Variants in NAV3 observed in about 807,000 individuals in gnomAD.
The protein encoded by NAV3 is neuron navigator 3, also known as pore membrane and/or filament interacting like protein 1.
A neutral mutation model predicts 244.7 loss-of-function variants in NAV3; 87 were observed. That is an observed-to-expected ratio of 0.36 (90% CI 0.30 to 0.42). The LOEUF is 0.42. Among genes scored for constraint, NAV3 ranks in the 20% least tolerant of loss-of-function variants. NAV3 has a pLI of 1.00. For missense variants in NAV3, 2,663 were observed against 2,893.3 expected (o/e 0.92, Z 1.83); for synonymous variants, 1,126 against 1,042.2 (o/e 1.08, Z -1.55).
intron 2 of NAV3, among the ~76,000 whole-genome samples, chr12:77,620,537 A>G (rs1871328794): frequency 6.6e-6 from 1 of 151,564 alleles, no homozygotes; most frequent in African/African-American, 2.4e-5. Context: ...ATCTCGGCTC[A>G]CTGCAATCTC....
chr12:77,635,287 T>G (rs1370370896), intron 2 of NAV3, among the ~76,000 whole-genome samples: 1 of 151,974 alleles, frequency 6.6e-6, no homozygotes, highest in African/African-American at 2.4e-5. Flanking sequence ...CTCATACTCC[T>G]GTGCTCAAGC....
intron 29 of NAV3, 47 bp downstream of exon 29, chr12:78,179,729 A>G (rs769605848): frequency 1.9e-6 from 3 of 1,568,832 alleles, no homozygotes; most frequent in Admixed American, 1.9e-5. Context: ...AAACAAAAAA[A>G]TGCTGCTTAT....
intron 1 of NAV3, among the ~76,000 whole-genome samples, chr12:77,934,507 A>G (rs1177732923): frequency 6.6e-6 from 1 of 152,128 alleles, no homozygotes; most frequent in East Asian, 1.9e-4. Context: ...CCAGAGAGGT[A>G]ACCTCTTAAA....
intron 11 of NAV3, among the ~76,000 whole-genome samples, chr12:78,058,698 A>C (rs971255780): frequency 2.6e-5 from 4 of 152,160 alleles, no homozygotes; most frequent in African/African-American, 9.7e-5. Flanking sequence ...CTGCAAGCCT[A>C]TTCATAATAT....
intron 1 of NAV3, among the ~76,000 whole-genome samples, chr12:77,917,541 G>A (rs1351970845): frequency 1.3e-5 from 2 of 151,996 alleles, no homozygotes; most frequent in Non-Finnish European, 2.9e-5. Flanking sequence ...TGTTTTGCAT[G>A]TGTAACGGTC....
chr12:77,958,656 A>C (rs1891592345), intron 3 of NAV3, among the ~76,000 whole-genome samples: 1 of 152,190 alleles, frequency 6.6e-6, no homozygotes, highest in African/African-American at 2.4e-5. Flanking sequence ...ACTTCTGAAA[A>C]TAATGACTAG....
intron 2 of NAV3, among the ~76,000 whole-genome samples, chr12:77,638,911 G>A (rs79927581): frequency 0.025 from 3,774 of 152,242 alleles, 62 homozygotes; most frequent in Middle Eastern, 0.082. Context: ...TCTGTAGGAA[G>A]GATGCAGTAT....
At chr12:77,647,461 T>G (rs529189179) in intron 2 of NAV3, among the ~76,000 whole-genome samples, 1 of 152,148 alleles carries the variant, frequency 6.6e-6, no homozygotes, top group East Asian at 1.9e-4. Flanking sequence ...GCTTTTTTTT[T>G]GTTTTGTTTT....
chr12:77,922,554 C>T (rs921176724), intron 1 of NAV3, among the ~76,000 whole-genome samples: 1 of 152,144 alleles, frequency 6.6e-6, no homozygotes, highest in Non-Finnish European at 1.5e-5. Flanking sequence ...GAACAGGCCA[C>T]TCCAAAGTGC....
chr12:77,927,066 C>T (rs980128494), intron 1 of NAV3, among the ~76,000 whole-genome samples: 2 of 152,170 alleles, frequency 1.3e-5, no homozygotes, highest in Non-Finnish European at 2.9e-5. Context: ...ATCAATTTAT[C>T]AGACTGATAC....
chr12:77,816,723 T>TAAA (rs1460759531), intron 2 of NAV3, among the ~76,000 whole-genome samples: 2 of 152,142 alleles, frequency 1.3e-5, no homozygotes, highest in African/African-American at 4.8e-5. Context: ...CATCTGTCAC[T>TAAA]CCTTTACCTC....
At chr12:77,597,227 G>A (rs1454272605) in intron 2 of NAV3, among the ~76,000 whole-genome samples, 1 of 152,016 alleles carries the variant, frequency 6.6e-6, no homozygotes, top group Non-Finnish European at 1.5e-5. Context: ...GTTGCTATAA[G>A]CGTGGCACCA....
chr12:78,169,629 C>T (rs923743968), intron 24 of NAV3, among the ~76,000 whole-genome samples: 2 of 151,718 alleles, frequency 1.3e-5, no homozygotes, highest in Non-Finnish European at 2.9e-5. Flanking sequence ...TCTCTCTTTT[C>T]ATTTCCAGAA....
intron 2 of NAV3, among the ~76,000 whole-genome samples, chr12:77,710,257 GATTCTCTCA>G (rs2137246859): frequency 6.6e-6 from 1 of 152,196 alleles, no homozygotes; most frequent in East Asian, 1.9e-4. Context: ...ATTTTGCATG[GATTCTCTCA>G]ATTATGAAGC....
intron 1 of NAV3, among the ~76,000 whole-genome samples, chr12:77,921,776 G>A (rs949740568): frequency 6.6e-6 from 1 of 152,076 alleles, no homozygotes; most frequent in Non-Finnish European, 1.5e-5. Context: ...AACAAAGAAG[G>A]TAATATGGTG....
At chr12:77,924,943 T>A (rs912141717) in intron 1 of NAV3, among the ~76,000 whole-genome samples, 3 of 151,844 alleles carry the variant, frequency 2.0e-5, no homozygotes, top group African/African-American at 7.3e-5. Flanking sequence ...TAGATAAGGA[T>A]ATGATCCTAG....
intron 2 of NAV3, among the ~76,000 whole-genome samples, chr12:77,639,014 A>C (rs1490160860): frequency 6.6e-6 from 1 of 152,118 alleles, no homozygotes; most frequent in Non-Finnish European, 1.5e-5. Context: ...AATGGTGTGT[A>C]TATATGGCCA....
chr12:77,864,191 T>C (rs188279781), intron 1 of NAV3, among the ~76,000 whole-genome samples: 2 of 152,044 alleles, frequency 1.3e-5, no homozygotes, highest in East Asian at 1.9e-4. Flanking sequence ...ATATTTTCTT[T>C]CTTTTTCTTT....
At chr12:77,810,779 G>C (rs1457208414) in intron 2 of NAV3, among the ~76,000 whole-genome samples, 2 of 152,024 alleles carry the variant, frequency 1.3e-5, no homozygotes, top group Non-Finnish European at 2.9e-5. Context: ...AAATATTTCT[G>C]CCTAACCACT....
Sources: allele counts gnomAD v4.1 joint callset (sites outside exome capture counted in the v4.1 genomes callset), GRCh38; gene constraint gnomAD v4.1.1; transcripts MANE v1.5; gene names NCBI Gene and HGNC (gene_info 2026-07-23, HGNC 2026-07-21).